QTMAN: variants seen among roughly 807,000 people sequenced by gnomAD.
QTMAN encodes the protein tRNA-queuosine alpha-mannosyltransferase.
At chr2:144,207,655 T>C in the QTMAN span, among the ~76,000 whole-genome samples, 4 of 152,272 alleles carry the variant, frequency 2.6e-5, no homozygotes, top group East Asian at 7.7e-4. Flanking sequence ...ACATCAGCTA[T>C]GTTAACCACC....
chr2:143,988,215 G>T, the QTMAN span, among the ~76,000 whole-genome samples: 7 of 152,214 alleles, frequency 4.6e-5, no homozygotes, highest in Non-Finnish European at 1.0e-4. Context: ...GTGAGATAAA[G>T]GAGTTACCTG....
chr2:144,098,877 G>A, the QTMAN span, among the ~76,000 whole-genome samples: 1 of 151,042 alleles, frequency 6.6e-6, no homozygotes. Flanking sequence ...CTTAAGCTGA[G>A]TGCTAAGCCA....
At chr2:144,227,358 C>G in the QTMAN span, among the ~76,000 whole-genome samples, 1 of 152,048 alleles carries the variant, frequency 6.6e-6, no homozygotes, top group Non-Finnish European at 1.5e-5. Context: ...TGGTACTAAA[C>G]CATTTTGAGG....
At chr2:144,276,481 T>C in the QTMAN span, among the ~76,000 whole-genome samples, 2 of 152,108 alleles carry the variant, frequency 1.3e-5, no homozygotes, top group Non-Finnish European at 2.9e-5. Context: ...TGAGCCACCA[T>C]ACCAGGCCTC....
At chr2:144,091,870 A>G in the QTMAN span, among the ~76,000 whole-genome samples, 1 of 149,942 alleles carries the variant, frequency 6.7e-6, no homozygotes, top group East Asian at 1.9e-4. Flanking sequence ...ATGGACTATT[A>G]GACACCAAAC....
chr2:144,288,000 G>A, the QTMAN span, among the ~76,000 whole-genome samples: 11 of 151,928 alleles, frequency 7.2e-5, no homozygotes, highest in Admixed American at 1.3e-4. Flanking sequence ...GATTACAGGC[G>A]CACACCACCA....
the QTMAN span, among the ~76,000 whole-genome samples, chr2:143,993,418 G>T: frequency 2.0e-5 from 3 of 151,970 alleles, no homozygotes; most frequent in Non-Finnish European, 2.9e-5. Context: ...AAAAAAAAGG[G>T]GGGGGGACTT....
At chr2:144,133,150 T>A in the QTMAN span, among the ~76,000 whole-genome samples, 75 of 38,482 alleles carry the variant, frequency 1.9e-3, 2 homozygotes, top group African/African-American at 0.016. Flanking sequence ...TATATATATA[T>A]AATATAATAT....
the QTMAN span, among the ~76,000 whole-genome samples, chr2:144,160,459 G>A: frequency 6.6e-6 from 1 of 152,154 alleles, no homozygotes; most frequent in Non-Finnish European, 1.5e-5. Flanking sequence ...GCTCAGAAAG[G>A]ATGACTTATC....
the QTMAN span, among the ~76,000 whole-genome samples, chr2:143,990,233 C>G: frequency 6.6e-6 from 1 of 152,016 alleles, no homozygotes; most frequent in Non-Finnish European, 1.5e-5. Context: ...ATGCAAGAGC[C>G]TGCTCTCAGA....
chr2:144,008,503 C>T, the QTMAN span, among the ~76,000 whole-genome samples: 1 of 151,940 alleles, frequency 6.6e-6, no homozygotes, highest in Non-Finnish European at 1.5e-5. Flanking sequence ...ACATGCAACC[C>T]AAAGAGACTG....
chr2:144,158,688 A>G, the QTMAN span, among the ~76,000 whole-genome samples: 1 of 152,032 alleles, frequency 6.6e-6, no homozygotes, highest in Non-Finnish European at 1.5e-5. Context: ...AGAGTCAATG[A>G]AAAAAGCCTG....
the QTMAN span, among the ~76,000 whole-genome samples, chr2:144,020,890 A>G: frequency 1.3e-5 from 2 of 150,294 alleles, no homozygotes; most frequent in Non-Finnish European, 2.9e-5. Context: ...AGTGCTTGCA[A>G]TTAAAAATAT....
At chr2:144,271,033 C>T in the QTMAN span, among the ~76,000 whole-genome samples, 1 of 152,270 alleles carries the variant, frequency 6.6e-6, no homozygotes, top group East Asian at 1.9e-4. Context: ...ATTTTCTCTT[C>T]TTATGTCTAA....
the QTMAN span, among the ~76,000 whole-genome samples, chr2:144,134,593 A>G: frequency 6.6e-6 from 1 of 152,126 alleles, no homozygotes; most frequent in Admixed American, 6.6e-5. Flanking sequence ...AACTCTGACA[A>G]TCCAATGTGG....
At chr2:144,010,886 G>A in the QTMAN span, among the ~76,000 whole-genome samples, 207 of 152,134 alleles carry the variant, frequency 1.4e-3, 2 homozygotes, top group African/African-American at 4.8e-3. Flanking sequence ...TTAAGAATGG[G>A]AAAATTTAAG....
chr2:144,270,082 C>T, the QTMAN span, among the ~76,000 whole-genome samples: 1 of 152,082 alleles, frequency 6.6e-6, no homozygotes. Flanking sequence ...ATTCTCTGAA[C>T]TCTAATGGAC....
chr2:144,104,874 C>T, the QTMAN span, among the ~76,000 whole-genome samples: 2 of 152,216 alleles, frequency 1.3e-5, no homozygotes, highest in African/African-American at 4.8e-5. Context: ...GGCAGACTGA[C>T]ACCTCACATG....
chr2:144,295,689 T>G, the QTMAN span, among the ~76,000 whole-genome samples: 2 of 152,186 alleles, frequency 1.3e-5, no homozygotes, highest in Non-Finnish European at 2.9e-5. Context: ...TGTGGCTCAC[T>G]GCAGCCTCAA....
Sources: gnomAD v4.1 joint callset for allele counts (sites outside exome capture counted in the v4.1 genomes callset) on GRCh38, gnomAD v4.1.1 for gene constraint, MANE v1.5 for transcripts, NCBI Gene and HGNC (gene_info 2026-07-23, HGNC 2026-07-21) for gene names.